Variants in SPTBN1 observed in about 807,000 individuals in gnomAD.
SPTBN1 encodes the protein spectrin beta chain, non-erythrocytic 1.
A neutral mutation model predicts 266.4 loss-of-function variants in SPTBN1; 32 were observed. The ratio of observed to expected loss-of-function variants is 0.12; its 90% CI spans 0.09 to 0.16. SPTBN1 has a LOEUF of 0.16. Among genes scored for constraint, SPTBN1 ranks in the 10% least tolerant of loss-of-function variants. SPTBN1 has a pLI of 1.00. For missense variants in SPTBN1, 2,296 were observed against 3,067.1 expected, an observed-to-expected ratio of 0.75 and a Z score of 5.94; for synonymous variants, 1,336 against 1,162.2, an observed-to-expected ratio of 1.15 and a Z score of -3.04.
chr2:54,611,402 G>A (rs1406792501), intron 3 of SPTBN1, among the ~76,000 whole-genome samples: 2 of 151,924 alleles, frequency 1.3e-5, no homozygotes, highest in African/African-American at 2.4e-5. Context: ...TACAGGAGAC[G>A]TATATATACT....
At chr2:54,580,274 T>C (rs1311545357) in intron 2 of SPTBN1, among the ~76,000 whole-genome samples, 2 of 152,206 alleles carry the variant, frequency 1.3e-5, no homozygotes, top group Non-Finnish European at 2.9e-5. Flanking sequence ...TGTTTCTTGA[T>C]GGTTCGTTGA....
chr2:54,499,185 T>G (rs1267715845), intron 1 of SPTBN1, among the ~76,000 whole-genome samples: 1 of 152,232 alleles, frequency 6.6e-6, no homozygotes, highest in East Asian at 1.9e-4. Flanking sequence ...TTGGCCTATT[T>G]TGACTCAATA....
intron 1 of SPTBN1, among the ~76,000 whole-genome samples, chr2:54,510,365 G>A (rs1241899258): frequency 6.6e-6 from 1 of 152,178 alleles, no homozygotes; most frequent in Non-Finnish European, 1.5e-5. Flanking sequence ...AATCACATTA[G>A]GGGTTACTCC....
intron 31 of SPTBN1, 129 bp downstream of exon 31, chr2:54,659,395 C>G (rs1680888391): frequency 3.4e-6 from 3 of 882,838 alleles, no homozygotes; most frequent in East Asian, 2.5e-5. Flanking sequence ...CTTCCATAGA[C>G]TGTTTAAAGG....
At position 54,655,279 on chromosome 2, in the gene SPTBN1, T is replaced by C. The variant is rs543718704; in HGVS notation, c.5961+71T>C. On this transcript the variant is annotated intron_variant, in intron 28 of 35. Transcript: ENST00000356805. Reference sequence around the variant, plus strand: ...AAAATGACTTTGTTTTATATGTTTGTGTGTGTCAGAGATACTGTGTTTACA... The same window carrying C: ...AAAATGACTTTGTTTTATATGTTTGCGTGTGTCAGAGATACTGTGTTTACA... 18 of 1,575,030 alleles carry C rather than the reference T, an allele frequency of 1.1e-5. No individual in the cohort carries two copies. In the African/African-American group the frequency reaches 2.4e-4, roughly 21 times the overall value.
intron 28 of SPTBN1, 38 bp from the exon 29 acceptor site, chr2:54,655,876 T>C: frequency 6.6e-7 from 1 of 1,523,452 alleles, no homozygotes; most frequent in Non-Finnish European, 9.1e-7. Flanking sequence ...TGTGGTGCAT[T>C]CCATTAAGAT....
intron 2 of SPTBN1, chr2:54,529,785 C>T (rs1431927040): frequency 1.9e-6 from 1 of 522,074 alleles, no homozygotes. Context: ...TGGATGTTGC[C>T]AACAAAATTG....
At chr2:54,585,041 C>G (rs570047764) in intron 2 of SPTBN1, among the ~76,000 whole-genome samples, 2 of 152,176 alleles carry the variant, frequency 1.3e-5, no homozygotes, top group East Asian at 3.8e-4. Flanking sequence ...AGCAACACTG[C>G]AAGAGGTTTA....
intron 29 of SPTBN1, 117 bp from the exon 30 acceptor site, chr2:54,657,733 C>T (rs966003): frequency 0.4 from 500,799 of 1,238,816 alleles, 106,906 homozygotes; most frequent in African/African-American, 0.75. Context: ...TTAGAGTAGA[C>T]GATAGACTGG....
chr2:54,628,665 T>C lies in SPTBN1; in HGVS notation c.1799-268T>C, dbSNP rs1678516017. Among the ~76,000 whole-genome samples, 1 of 152,204 alleles carries C rather than the reference T, an allele frequency of 6.6e-6. No homozygotes were observed. Among genetic ancestry groups the C allele is most frequent in the South Asian group, 2.1e-4 (1 of 4,832 alleles). ...GAAACAATTATATGCAGCTGCCTTT[T>C]TCATATGATTCAAGTGCTTTCTTGC... On this transcript the variant is annotated intron_variant, in intron 13 of 35. Transcript: ENST00000356805. This position sits in a 1 kb window ranked among gnomAD's most constrained non-coding sequence, Gnocchi z 4.3.
At position 54,637,743 on chromosome 2, in the gene SPTBN1, A is replaced by G; in HGVS notation, c.3798A>G (p.Glu1266=). Residue 1266 remains glutamate, a synonymous_variant, in exon 18 of 36, where the codon GAA becomes GAG. Transcript: ENST00000356805. ...RHRKNRETAS[E]LLMRLKDNRD... ...GGAAGAATCGTGAGACAGCCAGTGA[A>G]CTTTTGATGAGGTTGAAGGACAACA... 1 of 1,613,898 alleles carries G rather than the reference A, an allele frequency of 6.2e-7. No individual in the cohort carries two copies. Among genetic ancestry groups the G allele is most frequent in the Non-Finnish European group, 8.5e-7 (1 of 1,179,856 alleles).
chr2:54,508,399 G>C (rs1026808626), intron 1 of SPTBN1, among the ~76,000 whole-genome samples: 2 of 152,326 alleles, frequency 1.3e-5, no homozygotes, highest in Admixed American at 6.5e-5. Context: ...TGATGTGTGG[G>C]GAAGGGAGGG....
chr2:54,511,874 A>AAAT (rs1050753018), intron 1 of SPTBN1, among the ~76,000 whole-genome samples: 6 of 152,016 alleles, frequency 3.9e-5, no homozygotes, highest in African/African-American at 7.3e-5. Context: ...CCATCTCAAA[A>AAAT]AATAATAATA....
At chr2:54,514,004 C>G (rs776717692) in intron 1 of SPTBN1, among the ~76,000 whole-genome samples, 2 of 151,960 alleles carry the variant, frequency 1.3e-5, no homozygotes, top group Non-Finnish European at 2.9e-5. Flanking sequence ...TATATGTAAG[C>G]GGAGAAGAAG....
intron 2 of SPTBN1, among the ~76,000 whole-genome samples, chr2:54,588,162 T>A (rs1448423057): frequency 1.3e-5 from 2 of 151,752 alleles, no homozygotes; most frequent in Non-Finnish European, 2.9e-5. Context: ...CCACATGGAG[T>A]CTCTATGGGG....
At chr2:54,462,234 A>G (rs1346241334) in intron 1 of SPTBN1, among the ~76,000 whole-genome samples, 2 of 152,268 alleles carry the variant, frequency 1.3e-5, no homozygotes, top group Non-Finnish European at 2.9e-5. Flanking sequence ...CTGCCTAAGC[A>G]CTATGACCCA....
At chr2:54,508,216 A>G (rs1299270246) in intron 1 of SPTBN1, among the ~76,000 whole-genome samples, 2 of 152,210 alleles carry the variant, frequency 1.3e-5, no homozygotes, top group Non-Finnish European at 1.5e-5. Context: ...CCGAGGAACT[A>G]TGTCTGACAG....
chr2:54,531,563 A>G (rs528771227), intron 2 of SPTBN1, among the ~76,000 whole-genome samples: 7 of 151,814 alleles, frequency 4.6e-5, no homozygotes, highest in South Asian at 4.2e-4. Flanking sequence ...AGCTGGGACT[A>G]TAAGTGTGTG....
At chr2:54,597,349 A>G (rs1045011407) in intron 2 of SPTBN1, among the ~76,000 whole-genome samples, 1 of 152,206 alleles carries the variant, frequency 6.6e-6, no homozygotes, top group Non-Finnish European at 1.5e-5. Context: ...TCAATAATGC[A>G]TGTGGTCTTT....
Sources: allele counts gnomAD v4.1 joint callset (sites outside exome capture counted in the v4.1 genomes callset), GRCh38; gene constraint gnomAD v4.1.1; non-coding constraint Gnocchi (gnomAD v3.1); transcripts MANE v1.5; gene names NCBI Gene and HGNC (gene_info 2026-07-23, HGNC 2026-07-21).